The following ZNF346 variants were observed in gnomAD, a reference collection of about 807,000 sequenced individuals.
ZNF346 encodes zinc finger protein 346, also known as double-stranded RNA-binding zinc finger protein JAZ.
A neutral mutation model predicts 33.7 loss-of-function variants in ZNF346; 23 were observed. The observed-to-expected ratio is 0.68, with a 90% CI of 0.49 to 0.97. ZNF346 has a LOEUF of 0.97. Among genes scored for constraint, ZNF346 ranks in the 50% least tolerant of loss-of-function variants. The pLI is 0.00. For missense variants in ZNF346, 340 were observed against 371.1 expected, an observed-to-expected ratio of 0.92 and a Z score of 0.69; for synonymous variants, 134 against 142.4, an observed-to-expected ratio of 0.94 and a Z score of 0.42.
intron 1 of ZNF346, among the ~76,000 whole-genome samples, chr5:177,036,900 C>G (rs1335932579): frequency 2.6e-5 from 4 of 152,086 alleles, no homozygotes; most frequent in African/African-American, 9.7e-5. Flanking sequence ...CCACTGCACT[C>G]CAGTGTGGGC....
At chr5:177,034,761 G>A (rs2149604229) in intron 1 of ZNF346, among the ~76,000 whole-genome samples, 1 of 152,304 alleles carries the variant, frequency 6.6e-6, no homozygotes, top group East Asian at 1.9e-4. Flanking sequence ...ATACTTCTGT[G>A]CCTCTTGGCT....
At chr5:177,046,789 G>A (rs1033736930) in intron 4 of ZNF346, among the ~76,000 whole-genome samples, 2 of 151,914 alleles carry the variant, frequency 1.3e-5, no homozygotes, top group Non-Finnish European at 2.9e-5. Context: ...GGTTAACTCC[G>A]TGTATATGTG....
At position 177,079,291 on chromosome 5, in the gene ZNF346, C is replaced by G. The variant is rs552218922; in HGVS notation, c.*3-91C>G. ...AAAAAAAAAAAAGTCGTTTTGGGAACCAGTCACCGCTTCTTTTTGATAGCC... is the reference window on the plus strand; with the variant it reads ...AAAAAAAAAAAAGTCGTTTTGGGAAGCAGTCACCGCTTCTTTTTGATAGCC... On this transcript the variant is annotated intron_variant, in intron 8 of 8. Transcript: ENST00000503039. 6 of 151,720 alleles carry G rather than the reference C, an allele frequency of 4.0e-5. No individual in the cohort carries two copies. In the East Asian group the frequency reaches 1.2e-3, roughly 29 times the overall value. 9.4% of individuals were successfully genotyped at this position (151,720 alleles called of 1,614,324 possible).
chr5:177,031,998 C>CTTTTTTTTTTTTTTTTTTTTTTTTTTTTT (rs34021834), intron 1 of ZNF346, among the ~76,000 whole-genome samples: 5 of 67,846 alleles, frequency 7.4e-5, no homozygotes, highest in Non-Finnish European at 1.5e-4. Flanking sequence ...TTTCTTTTTT[C>CTTTTTTTTTTTTTTTTTTTTTTTTTTTTT]TTTTTTTTTT....
intron 1 of ZNF346, among the ~76,000 whole-genome samples, chr5:177,037,143 G>C (rs1012572214): frequency 2.0e-5 from 3 of 152,100 alleles, no homozygotes; most frequent in African/African-American, 7.2e-5. Context: ...TGTTGCTTCT[G>C]CAGGAGATCT....
chr5:177,030,994 C>G (rs868479180), intron 1 of ZNF346, among the ~76,000 whole-genome samples: 9 of 147,924 alleles, frequency 6.1e-5, no homozygotes, highest in Middle Eastern at 3.5e-3. Context: ...GATCTAGGCT[C>G]ACTGCACCCT....
At chr5:177,044,173 A>G (rs1175663066) in intron 3 of ZNF346, among the ~76,000 whole-genome samples, 1 of 152,172 alleles carries the variant, frequency 6.6e-6, no homozygotes, top group East Asian at 1.9e-4. Context: ...GACAGCAGGA[A>G]TGGCCAAAGC....
chr5:177,050,372 A>G (rs1465421376), intron 4 of ZNF346, among the ~76,000 whole-genome samples: 1 of 152,226 alleles, frequency 6.6e-6, no homozygotes, highest in Non-Finnish European at 1.5e-5. Flanking sequence ...GTACTGAGGT[A>G]TCCCTGCAAG....
chr5:177,073,562 C>T (rs1783601508), intron 8 of ZNF346, among the ~76,000 whole-genome samples: 1 of 152,174 alleles, frequency 6.6e-6, no homozygotes, highest in Admixed American at 6.6e-5. Flanking sequence ...CCTCGGCCTA[C>T]CAGAGTGCTG....
At chr5:177,026,202 A>C (rs1486463615) in intron 1 of ZNF346, among the ~76,000 whole-genome samples, 3 of 151,740 alleles carry the variant, frequency 2.0e-5, no homozygotes, top group Non-Finnish European at 4.4e-5. Flanking sequence ...ATGGGGTTTC[A>C]CCACGTTGGC....
chr5:177,028,714 T>C (rs866783446), intron 1 of ZNF346, among the ~76,000 whole-genome samples: 10,644 of 115,146 alleles, frequency 0.092, 1,348 homozygotes, highest in African/African-American at 0.27. Flanking sequence ...TTTCTTTTTT[T>C]TTTTTTTTTT....
At chr5:177,053,712 C>T (rs1158463848) in intron 5 of ZNF346, among the ~76,000 whole-genome samples, 2 of 151,990 alleles carry the variant, frequency 1.3e-5, no homozygotes, top group East Asian at 3.8e-4. Flanking sequence ...TATTTGCTGC[C>T]TTTTTACTGT....
chr5:177,077,437 G>T lies in ZNF346; in HGVS notation c.*3-1945G>T, dbSNP rs1213204325. On this transcript the variant is annotated intron_variant, in intron 8 of 8. Transcript: ENST00000503039. This position sits in a 1 kb window ranked among gnomAD's most constrained non-coding sequence, Gnocchi z 5.0. ...CAAAGAAGGAATGGCTTCAGGCAAGGCTTGATCCGGGTGCACTCCAGCTCT... is the reference window on the plus strand; with the variant it reads ...CAAAGAAGGAATGGCTTCAGGCAAGTCTTGATCCGGGTGCACTCCAGCTCT... Among the ~76,000 whole-genome samples, 1 of 152,144 alleles carries T rather than the reference G, an allele frequency of 6.6e-6. No homozygotes were observed. The highest frequency in any genetic ancestry group is 1.5e-5 in the Non-Finnish European group (1 of 68,018).
intron 1 of ZNF346, among the ~76,000 whole-genome samples, chr5:177,031,261 C>T (rs1220314407): frequency 6.6e-6 from 1 of 152,116 alleles, no homozygotes; most frequent in Admixed American, 6.6e-5. Flanking sequence ...CTCAAACTCT[C>T]AACCTCAGGT....
At chr5:177,071,165 G>A (rs1261275538), downstream of ZNF346, among the ~76,000 whole-genome samples, 2 of 152,162 alleles carry the variant, frequency 1.3e-5, no homozygotes, top group Non-Finnish European at 2.9e-5. Context: ...CTGAGGCCTT[G>A]TGAAGTGGAA....
chr5:177,070,148 T>C (rs540245681), downstream of ZNF346, among the ~76,000 whole-genome samples: 1 of 152,336 alleles, frequency 6.6e-6, no homozygotes, highest in South Asian at 2.1e-4. Flanking sequence ...AAAGTGGCTC[T>C]ATTGACTTAC....
At chr5:177,040,629 G>C (rs1779223860) in intron 1 of ZNF346, among the ~76,000 whole-genome samples, 1 of 152,222 alleles carries the variant, frequency 6.6e-6, no homozygotes, top group Non-Finnish European at 1.5e-5. Context: ...ACAGGCGTGA[G>C]CCACCACGCC....
intron 1 of ZNF346, among the ~76,000 whole-genome samples, chr5:177,033,156 G>C (rs2149599116): frequency 6.6e-6 from 1 of 152,278 alleles, no homozygotes; most frequent in Non-Finnish European, 1.5e-5. Flanking sequence ...GCTCACCAGA[G>C]CCTCGAACTG....
At chr5:177,028,496 T>TTATATATA (rs150044807) in intron 1 of ZNF346, among the ~76,000 whole-genome samples, 5,299 of 90,352 alleles carry the variant, frequency 0.059, 335 homozygotes, top group South Asian at 0.12. Context: ...TTGTGACGTT[T>TTATATATA]TATATATATA....
Sources: allele counts gnomAD v4.1 joint callset (sites outside exome capture counted in the v4.1 genomes callset), GRCh38; gene constraint gnomAD v4.1.1; non-coding constraint Gnocchi (gnomAD v3.1); transcripts MANE v1.5; gene names NCBI Gene and HGNC (gene_info 2026-07-23, HGNC 2026-07-21).